PIK3C2B: variants seen among roughly 807,000 people sequenced by gnomAD.
The protein encoded by PIK3C2B is phosphatidylinositol-4-phosphate 3-kinase catalytic subunit type 2 beta, also known as phosphatidylinositol 4-phosphate 3-kinase C2 domain-containing subunit beta.
Under a neutral mutation model 184.3 loss-of-function variants are expected in PIK3C2B, and 83 were observed. That is an observed-to-expected ratio of 0.45 (90% confidence interval 0.38 to 0.54). PIK3C2B has a LOEUF of 0.54. PIK3C2B is among the 20% of genes least tolerant of loss of function. The pLI is 0.00. For synonymous variants in PIK3C2B, 779 were observed against 837.6 expected, an observed-to-expected ratio of 0.93 and a Z score of 1.21; for missense variants, 1,736 against 2,113.5, an observed-to-expected ratio of 0.82 and a Z score of 3.50.
intron 22 of PIK3C2B, 34 bp from the exon 23 acceptor site, chr1:204,439,105 C>G (rs1427128021): frequency 1.2e-6 from 2 of 1,608,284 alleles, no homozygotes; most frequent in South Asian, 2.2e-5. Flanking sequence ...ACGTTCCAGA[C>G]CAGAATGAAG....
intron 1 of PIK3C2B, among the ~76,000 whole-genome samples, chr1:204,485,041 CTT>C (rs541322931): frequency 2.2e-4 from 31 of 138,252 alleles, no homozygotes; most frequent in Admixed American, 2.9e-4. Flanking sequence ...GTCTTCCAGT[CTT>C]TTTTTTTTTT....
chr1:204,461,194 C>T (rs1281435586), intron 5 of PIK3C2B, among the ~76,000 whole-genome samples: 1 of 152,244 alleles, frequency 6.6e-6, no homozygotes, highest in African/African-American at 2.4e-5. Context: ...CCCCACCCAA[C>T]TTCTTTTTCT....
intron 5 of PIK3C2B, 115 bp downstream of exon 5, chr1:204,463,897 C>A: frequency 9.3e-7 from 1 of 1,079,922 alleles, no homozygotes. Flanking sequence ...AAGCAGGAGT[C>A]TTGACTGTGG....
chr1:204,475,813 C>A (rs1220405166), intron 1 of PIK3C2B, among the ~76,000 whole-genome samples: 2 of 152,204 alleles, frequency 1.3e-5, no homozygotes, highest in African/African-American at 4.8e-5. Flanking sequence ...CGAGCTACCC[C>A]TCTCTAACCA....
chr1:204,473,989 CT>C (rs71145092), intron 1 of PIK3C2B, among the ~76,000 whole-genome samples: 8,737 of 114,934 alleles, frequency 0.076, 821 homozygotes, highest in African/African-American at 0.27. Flanking sequence ...CTCCCCTTGA[CT>C]TTTTTTTTTT....
intron 31 of PIK3C2B, among the ~76,000 whole-genome samples, chr1:204,426,691 C>T (rs78184491): frequency 0.033 from 5,006 of 152,276 alleles, 207 homozygotes; most frequent in East Asian, 0.08. Context: ...TTCCCCCATA[C>T]CCAGAGCTAA....
chr1:204,430,414 C>T (rs553898808), intron 28 of PIK3C2B, among the ~76,000 whole-genome samples: 191 of 151,976 alleles, frequency 1.3e-3, no homozygotes, highest in Non-Finnish European at 2.3e-3. Flanking sequence ...GGCGCAATCT[C>T]GGCTCACTGC....
intron 28 of PIK3C2B, 24 bp from the exon 29 acceptor site, chr1:204,430,062 G>A (rs1674960432): frequency 6.8e-7 from 1 of 1,469,366 alleles, no homozygotes; most frequent in Non-Finnish European, 9.4e-7. Context: ...GTAGGCAGCG[G>A]GGATGCAGGA....
At chr1:204,454,534 G>T in intron 12 of PIK3C2B, 135 bp downstream of exon 12, 15 of 698,788 alleles carry the variant, frequency 2.1e-5, no homozygotes, top group African/African-American at 3.7e-5. Context: ...GAGGTTGAAT[G>T]ACTTGTCCAG....
rs565020398 is a variant in PIK3C2B, at chr1:204,442,637, G to C, written c.3049-4C>G. On this transcript the variant is annotated splice_region_variant and splice_polypyrimidine_tract_variant and intron_variant, in intron 19 of 32. Coordinates refer to ENST00000684373, the MANE Select transcript of PIK3C2B (RefSeq NM_001377334.1). Reference sequence around the variant, plus strand: ...CCAGGCCCGTGCGGAGGATTCCCTGGAAAGAAGGGGAGGAGTACAGCAGGG... The same window carrying C: ...CCAGGCCCGTGCGGAGGATTCCCTGCAAAGAAGGGGAGGAGTACAGCAGGG... The C allele has an allele frequency of 5.9e-6, 9 of 1,538,100 alleles. No individual in the cohort carries two copies. In the African/African-American group the frequency reaches 1.1e-4, roughly 19 times the overall value.
chr1:204,491,873 T>C (rs1658036671), intron 1 of PIK3C2B, among the ~76,000 whole-genome samples: 1 of 152,202 alleles, frequency 6.6e-6, no homozygotes, highest in Admixed American at 6.5e-5. Context: ...ATCCTCTCTA[T>C]AGGCAGTAGC....
chr1:204,450,577 T>C (rs1654265814), intron 12 of PIK3C2B, among the ~76,000 whole-genome samples: 1 of 151,914 alleles, frequency 6.6e-6, no homozygotes, highest in Admixed American at 6.6e-5. Context: ...GGACACACAC[T>C]GGGTTTTTCT....
At position 204,443,430 on chromosome 1, in the gene PIK3C2B, G is replaced by T. The variant is rs61763415; in HGVS notation, c.3035C>A (p.Pro1012Gln). 3.1e-4 allele frequency: 493 copies of T among 1,614,022 alleles called. 3 individuals are homozygous for T. In the African/African-American group the frequency reaches 5.9e-3, roughly 19 times the overall value. The change falls in exon 19 of 33, where the codon CCA becomes CAA. Residue 1012 changes from proline to glutamine, a missense_variant. This residue lies in a region of PIK3C2B where 289 missense variants were observed against 380.4 expected (regional missense o/e 0.76). Transcript: ENST00000684373. ...CACCCCACTAACCTGCCTTGCAGATGGGGCTGCCTCCCGGACCTGCTGGGC... is the reference window on the plus strand; with the variant it reads ...CACCCCACTAACCTGCCTTGCAGATTGGGCTGCCTCCCGGACCTGCTGGGC... ...KLAQQVREAA[P>Q]SARQGILRTG...
intron 1 of PIK3C2B, among the ~76,000 whole-genome samples, chr1:204,479,650 T>C (rs903413477): frequency 3.3e-5 from 5 of 152,168 alleles, no homozygotes; most frequent in Admixed American, 2.0e-4. Flanking sequence ...AGGCCTGGCC[T>C]CCCCCATCTA....
chr1:204,490,124 C>T (rs1170249151), intron 1 of PIK3C2B: 1 of 393,898 alleles, frequency 2.5e-6, no homozygotes, highest in Non-Finnish European at 4.5e-6. Flanking sequence ...ATAACAGTTT[C>T]CAAAGAGGCA....
At position 204,456,027 on chromosome 1, in the gene PIK3C2B, G is replaced by C; in HGVS notation, c.1772C>G (p.Ala591Gly). 6.2e-7 allele frequency: 1 copy of C among 1,613,866 alleles called. No individual in the cohort carries two copies. The highest frequency in any genetic ancestry group is 8.5e-7 in the Non-Finnish European group (1 of 1,179,778). The change falls in exon 11 of 33, where the codon GCT (alanine) becomes GGT (glycine). Residue 591 changes from alanine (A) to glycine (G), a missense_variant. This residue lies in a region of PIK3C2B where 609 missense variants were observed against 699.2 expected (regional missense o/e 0.87). Coordinates refer to ENST00000684373, the MANE Select transcript of PIK3C2B (RefSeq NM_001377334.1). The part of the protein sequence containing the change: ...NREKVVEALT[A>G]AILDLVELYC... ...CAGCTCCACCAGGTCCAAGATGGCA[G>C]CGGTCAGGGCTTCCACGACCTTCTC... is the stretch of plus-strand genomic sequence containing the variant.
At chr1:204,485,711 G>A (rs956847586) in intron 1 of PIK3C2B, among the ~76,000 whole-genome samples, 4 of 152,004 alleles carry the variant, frequency 2.6e-5, no homozygotes, top group Non-Finnish European at 4.4e-5. Context: ...GAGAAGCTGG[G>A]ACTACAGACG....
chr1:204,493,553 A>ACACACACACACACACACT (rs1558293821), intron 1 of PIK3C2B, among the ~76,000 whole-genome samples: 5 of 151,492 alleles, frequency 3.3e-5, no homozygotes, highest in Admixed American at 2.6e-4. Flanking sequence ...ACACACACAC[A>ACACACACACACACACACT]CTTCAACATC....
In PIK3C2B at chr1:204,429,928, A is replaced by G; in HGVS notation, c.4391T>C (p.Val1464Ala). The change falls in exon 29 of 33, where the codon GTG becomes GCG. Residue 1464 changes from valine to alanine, a missense_variant. Transcript: ENST00000684373. The part of the protein sequence containing the change: ...IWHLIHAPPE[V>A]AECDLVYTFF... Reference sequence around the variant, plus strand: ...AGAGGCAAGCCCACCCACCTCGGCCACCTCAGGGGGTGCGTGGATCAAGTG... The same window carrying G: ...AGAGGCAAGCCCACCCACCTCGGCCGCCTCAGGGGGTGCGTGGATCAAGTG... 1.2e-6 allele frequency: 2 copies of G among 1,606,772 alleles called. No homozygotes were observed. Among genetic ancestry groups the G allele is most frequent in the Non-Finnish European group, 1.7e-6 (2 of 1,174,704 alleles).
Sources: gnomAD v4.1 joint callset for allele counts (sites outside exome capture counted in the v4.1 genomes callset) on GRCh38, gnomAD v4.1.1 for gene constraint, gnomAD v4.1.1 regional missense constraint, MANE v1.5 for transcripts, NCBI Gene and HGNC (gene_info 2026-07-23, HGNC 2026-07-21) for gene names.